The following GRAMD2A variants were observed in gnomAD, a reference collection of about 807,000 sequenced individuals.
GRAMD2A encodes GRAM domain-containing protein 2A.
GRAMD2A carries 37 observed loss-of-function variants against 51.1 expected under a neutral mutation model. The observed-to-expected ratio is 0.72, with a 90% CI of 0.56 to 0.95. GRAMD2A has a LOEUF of 0.95. Ranked by LOEUF, GRAMD2A falls within the 40% of genes least tolerant of loss-of-function variation. The probability of loss-of-function intolerance (pLI) is 0.00; values close to 1 mark genes in which losing one functional copy is unlikely to be tolerated. For synonymous variants in GRAMD2A, 136 were observed against 157.1 expected (o/e 0.87, Z 1.01); for missense variants, 414 against 426.9 (o/e 0.97, Z 0.27).
At chr15:72,192,928 C>T (rs1399060902) in intron 1 of GRAMD2A, among the ~76,000 whole-genome samples, 2 of 152,066 alleles carry the variant, frequency 1.3e-5, no homozygotes, top group Non-Finnish European at 2.9e-5. Context: ...AGTTCAAGAC[C>T]AGTCTGACCA....
chr15:72,166,502 C>A lies in GRAMD2A; in HGVS notation c.543+130G>T. On this transcript the variant is annotated intron_variant, in intron 7 of 11. Coordinates refer to ENST00000309731, the MANE Select transcript of GRAMD2A (RefSeq NM_001012642.3). This position sits in a 1 kb window ranked among gnomAD's most constrained non-coding sequence, Gnocchi z 4.1. ...CTGTCTCTTGTACATTGAGCCTGAG[C>A]CTTTAACTCCCCTCTCCCTGCCCCA... 1.4e-6 allele frequency: 1 copy of A among 705,390 alleles called. No homozygotes were observed. The highest frequency in any genetic ancestry group is 2.6e-6 in the Non-Finnish European group (1 of 390,262). 43.7% of individuals were successfully genotyped at this position (705,390 alleles called of 1,614,324 possible).
chr15:72,171,944 C>G (rs529937919), intron 1 of GRAMD2A, among the ~76,000 whole-genome samples: 1 of 151,922 alleles, frequency 6.6e-6, no homozygotes, highest in Non-Finnish European at 1.5e-5. Flanking sequence ...ATTCTCCTGC[C>G]TCAGCCTCCC....
intron 1 of GRAMD2A, among the ~76,000 whole-genome samples, chr15:72,187,756 T>G (rs770018499): frequency 6.6e-6 from 1 of 152,168 alleles, no homozygotes; most frequent in Non-Finnish European, 1.5e-5. Flanking sequence ...TCAAGTGATC[T>G]GCCAGCCTCA....
chr15:72,169,098 G>A (rs2081581056), intron 2 of GRAMD2A, 102 bp from the exon 3 acceptor site: 4 of 1,008,838 alleles, frequency 4.0e-6, no homozygotes, highest in Non-Finnish European at 6.2e-6. Flanking sequence ...GCTTGAGGCA[G>A]AGATCAGAGA....
At chr15:72,190,585 T>G (rs2081761684) in intron 1 of GRAMD2A, among the ~76,000 whole-genome samples, 1 of 152,196 alleles carries the variant, frequency 6.6e-6, no homozygotes, top group African/African-American at 2.4e-5. Context: ...CCAGTTTCTG[T>G]TTTCACATGG....
intron 1 of GRAMD2A, among the ~76,000 whole-genome samples, chr15:72,177,837 C>T (rs1275716012): frequency 6.6e-6 from 1 of 152,214 alleles, no homozygotes; most frequent in Admixed American, 6.5e-5. Flanking sequence ...AAGAGATTCT[C>T]ATGTATCAGC....
intron 4 of GRAMD2A, among the ~76,000 whole-genome samples, chr15:72,168,230 G>C (rs1325503019): frequency 6.6e-6 from 1 of 152,214 alleles, no homozygotes; most frequent in Non-Finnish European, 1.5e-5. Context: ...GGCCAGAGCA[G>C]GTAAGAAGTC....
intron 1 of GRAMD2A, among the ~76,000 whole-genome samples, chr15:72,178,468 A>G (rs1237684810): frequency 2.0e-5 from 3 of 151,396 alleles, no homozygotes; most frequent in Non-Finnish European, 2.9e-5. Flanking sequence ...GATTCTGTGG[A>G]GAGAGGCAGG....
intron 10 of GRAMD2A, among the ~76,000 whole-genome samples, 178 bp downstream of exon 10, chr15:72,163,088 C>A (rs2081497676): frequency 6.6e-6 from 1 of 152,170 alleles, no homozygotes; most frequent in Non-Finnish European, 1.5e-5. Context: ...ACTGGAGATC[C>A]TTTCTCTTGC....
chr15:72,163,756 T>C lies in GRAMD2A; in HGVS notation c.602A>G (p.Glu201Gly). ...REFSGEPESLEVLIPEMKWRK... is the reference protein window; with the variant it reads ...REFSGEPESLGVLIPEMKWRK... Reference sequence around the variant, plus strand: ...CCACTTCATCTCAGGGATGAGGACTTCCTGCAGTAAGACAGGAGAAGCTAT... The same window carrying C: ...CCACTTCATCTCAGGGATGAGGACTCCCTGCAGTAAGACAGGAGAAGCTAT... Residue 201 changes from glutamate (E) to glycine (G), a missense_variant and splice_region_variant, in exon 9 of 12, where the codon GAA becomes GGA. Transcript: ENST00000309731. The C allele has an allele frequency of 6.2e-7, 1 of 1,609,356 alleles. No individual in the cohort carries two copies. Among genetic ancestry groups the C allele is most frequent in the Non-Finnish European group, 8.5e-7 (1 of 1,178,810 alleles).
In GRAMD2A at chr15:72,167,071, C is replaced by T. The variant is rs1229787067; in HGVS notation, c.394G>A (p.Val132Met). 3 of 1,613,722 alleles carry T rather than the reference C, an allele frequency of 1.9e-6. No homozygotes were observed. Among genetic ancestry groups the T allele is most frequent in the African/African-American group, 2.7e-5 (2 of 74,914 alleles). Residue 132 changes from valine to methionine, a missense_variant, in exon 6 of 12, where the codon GTG (valine) becomes ATG (methionine). Physicochemically the swap from Val to Met is conservative, Grantham distance 21. Coordinates refer to ENST00000309731, the MANE Select transcript of GRAMD2A (RefSeq NM_001012642.3). The part of the protein sequence containing the change: ...DIKVVIPVVS[V>M]QMIKKHKMAR... The stretch of plus-strand genomic sequence containing the variant: ...ATCTTGTGTTTTTTGATCATTTGCA[C>T]AGACACCACAGGAATGACCACCTGA...
chr15:72,168,512 AG>A lies in GRAMD2A; in HGVS notation c.246del (p.Leu83TrpfsTer52). ...TCACCTTTGAGAACCACTTCCTCCA[AG>A]GGAACATCCTTAAACAGCTTGTGGT... is the stretch of plus-strand genomic sequence containing the variant. Reference protein sequence around the residue: ...QQYHKLFKDVPLEEVVLKVCS... With the variant: ...QQYHKLFKDVXLEEVVLKVCS... On this transcript the variant is annotated frameshift_variant, in exon 4 of 12. Coordinates refer to ENST00000309731, the MANE Select transcript of GRAMD2A (RefSeq NM_001012642.3). LOFTEE classifies it high-confidence loss of function. 1.2e-6 allele frequency: 2 copies of A among 1,613,742 alleles called. No homozygotes were observed. Among genetic ancestry groups the A allele is most frequent in the Non-Finnish European group, 1.7e-6 (2 of 1,179,754 alleles).
In GRAMD2A at chr15:72,169,879, T is replaced by C. The variant is rs772206864; in HGVS notation, c.102A>G (p.Lys34=). 111 of 1,614,084 alleles carry C rather than the reference T, an allele frequency of 6.9e-5. No individual in the cohort carries two copies. Among genetic ancestry groups the C allele is most frequent in the Admixed American group, 1.0e-4 (6 of 59,998 alleles). ...CCGGGGGCTCCTCAACTCTGTCTGG[T>C]TTCTCTTTGCAGGACACAGGACTGT... is the stretch of plus-strand genomic sequence containing the variant. ...SLNSPVSCKE[K]PDRVEEPPDY... is the part of the protein sequence containing the mutation. Residue 34 remains lysine, a synonymous_variant, in exon 2 of 12, where the codon AAA becomes AAG. Coordinates refer to ENST00000309731, the MANE Select transcript of GRAMD2A (RefSeq NM_001012642.3).
intron 10 of GRAMD2A, 34 bp downstream of exon 10, chr15:72,163,232 T>C: frequency 6.9e-7 from 1 of 1,441,560 alleles, no homozygotes; most frequent in Non-Finnish European, 9.8e-7. Context: ...GACATGCAGG[T>C]GGGTCTGTCC....
chr15:72,188,614 C>T (rs2081748937), intron 1 of GRAMD2A, among the ~76,000 whole-genome samples: 1 of 152,086 alleles, frequency 6.6e-6, no homozygotes, highest in Admixed American at 6.6e-5. Context: ...TAACATTTTC[C>T]TCCACGAATT....
intron 1 of GRAMD2A, among the ~76,000 whole-genome samples, chr15:72,181,915 C>T (rs2081699608): frequency 6.6e-6 from 1 of 152,026 alleles, no homozygotes; most frequent in Admixed American, 6.6e-5. Context: ...TAAGACTGTG[C>T]CAGGGAAAGT....
At chr15:72,175,237 C>T (rs757200898) in intron 1 of GRAMD2A, among the ~76,000 whole-genome samples, 11 of 152,128 alleles carry the variant, frequency 7.2e-5, no homozygotes, top group Non-Finnish European at 1.5e-4. Context: ...CAAGCCCAGG[C>T]CACAATCCTT....
Position 72,169,849 on chromosome 15 carries a change from G to A in GRAMD2A, c.132C>T (p.Tyr44=). The change falls in exon 2 of 12, where the codon TAC becomes TAT. Residue 44 remains tyrosine (Y), a splice_region_variant and synonymous_variant. Coordinates refer to ENST00000309731, the MANE Select transcript of GRAMD2A (RefSeq NM_001012642.3). ...ATGACTGGGAAAGGGGTCCTCACCTGTAGTCCGGGGGCTCCTCAACTCTGT... is the reference window on the plus strand; with the variant it reads ...ATGACTGGGAAAGGGGTCCTCACCTATAGTCCGGGGGCTCCTCAACTCTGT... The part of the protein sequence containing the change: ...KPDRVEEPPD[Y]SLHWPEGLKG... The A allele has an allele frequency of 1.2e-6, 2 of 1,611,562 alleles. No homozygotes were observed. The highest frequency in any genetic ancestry group is 1.7e-5 in the Admixed American group (1 of 60,020).
In GRAMD2A at chr15:72,168,570, C is replaced by G; in HGVS notation, c.193-4G>C. On this transcript the variant is annotated splice_region_variant and splice_polypyrimidine_tract_variant and intron_variant, in intron 3 of 11. Transcript: ENST00000309731. The stretch of plus-strand genomic sequence containing the variant: ...GGTTGTATTTATTCAGTGTTATCTG[C>G]AAACACACAGGCTGCGTCTGAGAAG... The G allele has an allele frequency of 6.2e-7, 1 of 1,612,714 alleles. No individual in the cohort carries two copies. Among genetic ancestry groups the G allele is most frequent in the Non-Finnish European group, 8.5e-7 (1 of 1,178,886 alleles).
Sources: allele counts gnomAD v4.1 joint callset (sites outside exome capture counted in the v4.1 genomes callset), GRCh38; gene constraint gnomAD v4.1.1; non-coding constraint Gnocchi (gnomAD v3.1); transcripts MANE v1.5; gene names NCBI Gene and HGNC (gene_info 2026-07-23, HGNC 2026-07-21).